The following MTMR3 variants were observed in gnomAD, a reference collection of about 807,000 sequenced individuals.
The protein encoded by MTMR3 is phosphatidylinositol-3,5-bisphosphate 3-phosphatase MTMR3.
In MTMR3, 32 loss-of-function variants were observed where a neutral mutation model predicts 132.4. The observed-to-expected ratio is 0.24, with a 90% CI of 0.18 to 0.32. The LOEUF (loss-of-function observed/expected upper bound fraction) is 0.32. Ranked by LOEUF, MTMR3 falls within the 10% of genes least tolerant of loss-of-function variation. The pLI is 1.00. For missense variants in MTMR3, 1,216 were observed against 1,489.6 expected (o/e 0.82, Z 3.02); for synonymous variants, 556 against 550.3 (o/e 1.01, Z -0.14).
chr22:29,921,760 T>C (rs566009193), intron 1 of MTMR3, among the ~76,000 whole-genome samples: 1 of 152,228 alleles, frequency 6.6e-6, no homozygotes, highest in East Asian at 1.9e-4. Context: ...CATACCTCCA[T>C]ATAAGTGAAA....
At chr22:29,900,950 A>T (rs1415447824) in intron 1 of MTMR3, among the ~76,000 whole-genome samples, 3 of 152,078 alleles carry the variant, frequency 2.0e-5, no homozygotes, top group Non-Finnish European at 4.4e-5. Flanking sequence ...GCCTCCCAAA[A>T]TGCTGGGATT....
intron 1 of MTMR3, among the ~76,000 whole-genome samples, chr22:29,889,621 A>G: frequency 6.6e-6 from 1 of 152,002 alleles, no homozygotes; most frequent in East Asian, 1.9e-4. Flanking sequence ...AAAAAAAAGT[A>G]GAGATGACCT....
At chr22:29,964,137 G>T (rs936568941) in intron 2 of MTMR3, among the ~76,000 whole-genome samples, 1 of 152,138 alleles carries the variant, frequency 6.6e-6, no homozygotes, top group African/African-American at 2.4e-5. Context: ...TATTTACTGA[G>T]TGCATGCATT....
chr22:30,019,235 G>A (rs1026510821), intron 16 of MTMR3: 5 of 423,404 alleles, frequency 1.2e-5, no homozygotes, highest in Non-Finnish European at 2.1e-5. Context: ...AGCACTTGCT[G>A]TTAGCTCATT....
intron 2 of MTMR3, among the ~76,000 whole-genome samples, chr22:29,964,787 A>G (rs757890173): frequency 2.0e-5 from 3 of 152,178 alleles, no homozygotes; most frequent in Non-Finnish European, 2.9e-5. Context: ...CTTAAAATCA[A>G]ATCACGTCAC....
At chr22:29,992,935 C>T (rs2066992809) in intron 7 of MTMR3, 1 of 152,194 alleles carries the variant, frequency 6.6e-6, no homozygotes, top group Non-Finnish European at 1.5e-5. Flanking sequence ...AGGTTGGTGT[C>T]TGTTTTGGGA....
chr22:29,942,752 G>A (rs1372131933), intron 1 of MTMR3, among the ~76,000 whole-genome samples: 3 of 152,164 alleles, frequency 2.0e-5, no homozygotes, highest in Admixed American at 2.0e-4. Context: ...CCGGCTCACC[G>A]GCAGTCAGAG....
intron 2 of MTMR3, among the ~76,000 whole-genome samples, chr22:29,961,720 C>T (rs143304640): frequency 2.6e-4 from 39 of 152,178 alleles, no homozygotes; most frequent in Non-Finnish European, 5.3e-4. Flanking sequence ...ACAGTAATGT[C>T]CTAGGCCTTC....
intron 1 of MTMR3, among the ~76,000 whole-genome samples, chr22:29,883,583 C>T (rs2064598499): frequency 1.3e-5 from 2 of 152,042 alleles, no homozygotes; most frequent in African/African-American, 2.4e-5. Flanking sequence ...AGCTCGGCGG[C>T]CGAGCTCGGC....
At chr22:30,025,482 T>C in intron 19 of MTMR3, 148 bp from the exon 20 acceptor site, 2 of 776,714 alleles carry the variant, frequency 2.6e-6, no homozygotes, top group South Asian at 3.5e-5. Context: ...ACCCAGCTTG[T>C]TCCTGGGCTA....
intron 2 of MTMR3, among the ~76,000 whole-genome samples, chr22:29,970,061 A>G (rs144371896): frequency 1.5e-4 from 23 of 152,358 alleles, no homozygotes; most frequent in African/African-American, 5.5e-4. Flanking sequence ...GAAAAGAGCA[A>G]CTTACTTACT....
At chr22:30,009,524 G>A (rs1360616168) in intron 12 of MTMR3, 1 of 166,140 alleles carries the variant, frequency 6.0e-6, no homozygotes, top group Non-Finnish European at 1.3e-5. Flanking sequence ...GAACTGGGAT[G>A]TTTTATCATG....
At chr22:29,883,530 G>A (rs535448642) in intron 1 of MTMR3, among the ~76,000 whole-genome samples, 171 bp downstream of exon 1, 9 of 152,094 alleles carry the variant, frequency 5.9e-5, no homozygotes, top group African/African-American at 1.4e-4. Context: ...CCCGGCGGCT[G>A]TCGCCGCCAG....
At position 29,978,981 on chromosome 22, in the gene MTMR3, C is replaced by G; in HGVS notation, c.139C>G (p.Arg47Gly). ...TGGAGAGAGCACAGAGTTTGTGGGC[C>G]GTGCCGAGGATGCCATCATTGCCCT... ...LHGESTEFVG[R>G]AEDAIIALSN... Residue 47 changes from arginine (R) to glycine (G), a missense_variant, in exon 5 of 20, where the codon CGT becomes GGT. Around this residue, in one of 7 missense-constraint regions of MTMR3, gnomAD observed 81 missense variants for 87.7 expected, o/e 0.92. Coordinates refer to ENST00000401950, the MANE Select transcript of MTMR3 (RefSeq NM_021090.4). The G allele has an allele frequency of 6.2e-7, 1 of 1,613,792 alleles. No homozygotes were observed.
At chr22:30,012,789 A>G (rs781280088) in intron 13 of MTMR3, 11 of 428,196 alleles carry the variant, frequency 2.6e-5, no homozygotes, top group Non-Finnish European at 3.6e-5. Flanking sequence ...GAATATAGAC[A>G]TATTTTCCTT....
intron 9 of MTMR3, chr22:30,006,810 C>A: frequency 3.1e-6 from 1 of 325,660 alleles, no homozygotes; most frequent in Non-Finnish European, 5.9e-6. Flanking sequence ...ATCCTCCTGC[C>A]TCAGCCTCTC....
rs548788979 is a variant in MTMR3, at chr22:29,913,010, A to C, written c.-138+29651A>C. 6.5e-4 allele frequency among the ~76,000 whole-genome samples: 99 copies of C among 152,314 alleles called. 1 individual carries two copies. The highest frequency in any genetic ancestry group is 1.3e-3 in the Non-Finnish European group (89 of 68,018). Reference sequence around the variant, plus strand: ...GTAATCCCAGCATTCTGGGAAGCCGAGGCGAGAGAATCACTTGTGAGGCCT... The same window carrying C: ...GTAATCCCAGCATTCTGGGAAGCCGCGGCGAGAGAATCACTTGTGAGGCCT... On this transcript the variant is annotated intron_variant, in intron 1 of 19. Coordinates refer to ENST00000401950, the MANE Select transcript of MTMR3 (RefSeq NM_021090.4).
At chr22:29,984,358 A>G (rs2066815093) in intron 5 of MTMR3, 1 of 152,226 alleles carries the variant, frequency 6.6e-6, no homozygotes, top group Non-Finnish European at 1.5e-5. Context: ...CCAGAATGAA[A>G]TGAGGTAAAT....
intron 1 of MTMR3, among the ~76,000 whole-genome samples, chr22:29,945,090 G>A (rs1244810837): frequency 6.6e-6 from 1 of 152,138 alleles, no homozygotes; most frequent in Non-Finnish European, 1.5e-5. Flanking sequence ...ACCACTCACT[G>A]CATCCTCAGC....
Sources: gnomAD v4.1 joint callset for allele counts (sites outside exome capture counted in the v4.1 genomes callset) on GRCh38, gnomAD v4.1.1 for gene constraint, gnomAD v4.1.1 regional missense constraint, MANE v1.5 for transcripts, NCBI Gene and HGNC (gene_info 2026-07-23, HGNC 2026-07-21) for gene names.